Variants in HGFAC observed in about 807,000 individuals in gnomAD.
HGFAC encodes the protein HGF activator.
Under a neutral mutation model 70.6 loss-of-function variants are expected in HGFAC, and 76 were observed. That is an observed-to-expected ratio of 1.08 (90% CI 0.89 to 1.30). The LOEUF (loss-of-function observed/expected upper bound fraction) is 1.30. HGFAC is among the 50% of genes most tolerant of loss of function. The probability of loss-of-function intolerance (pLI) is 0.00; values close to 1 mark genes in which losing one functional copy is unlikely to be tolerated. For synonymous variants in HGFAC, 464 were observed against 405.3 expected, an observed-to-expected ratio of 1.14 and a Z score of -1.74; for missense variants, 1,044 against 933.7, an observed-to-expected ratio of 1.12 and a Z score of -1.54.
In HGFAC at chr4:3,449,284, C is replaced by G; in HGVS notation, c.1833C>G (p.Tyr611Ter). 6.2e-7 allele frequency: 1 copy of G among 1,612,510 alleles called. No individual in the cohort carries two copies. The highest frequency in any genetic ancestry group is 1.1e-5 in the South Asian group (1 of 91,066). ...PLACEKNGVA[Y>*]LYGIISWGDG... The stretch of plus-strand genomic sequence containing the variant: ...CCTGCGAGAAGAACGGCGTGGCTTA[C>G]CTCTACGGCATCATCAGCTGGGGTG... Residue 611 changes from tyrosine (Y) to a stop codon, truncating the protein, a stop_gained, in exon 14 of 14, where the codon TAC becomes TAG. Transcript: ENST00000382774. LOFTEE classifies it low-confidence loss of function (END_TRUNC).
chr4:3,446,199 C>G lies in HGFAC; in HGVS notation c.1260C>G (p.Pro420=). 1 of 1,611,312 alleles carries G rather than the reference C, an allele frequency of 6.2e-7. No homozygotes were observed. Among genetic ancestry groups the G allele is most frequent in the East Asian group, 2.2e-5 (1 of 44,842 alleles). ...CCTCCTCGCTGCCCGGCTCGCACCC[C>G]TGGCTGGCCGCCATCTACATCGGGG... ...GGSSSLPGSH[P]WLAAIYIGDS... Residue 420 remains proline (P), a synonymous_variant, in exon 10 of 14, where the codon CCC becomes CCG. Transcript: ENST00000382774.
At chr4:3,445,799 C>A (rs1439471449) in intron 9 of HGFAC, 1 of 1,377,116 alleles carries the variant, frequency 7.3e-7, no homozygotes, top group East Asian at 2.5e-5. Flanking sequence ...GCTGAGGGGG[C>A]CACAAAGGCC....
Position 3,442,889 on chromosome 4 carries a change from C to T in HGFAC, c.275C>T (p.Ser92Leu), listed in dbSNP as rs199767749. The change falls in exon 2 of 14, where the codon TCG becomes TTG. Residue 92 changes from serine (S) to leucine (L), a missense_variant. By Grantham distance (145) the Ser-to-Leu change is moderately radical. Coordinates refer to ENST00000382774, the MANE Select transcript of HGFAC (RefSeq NM_001528.4). Reference sequence around the variant, plus strand: ...CCGCCCCCGCCCAGGGCAGTTCCCTCGAGCAGTAGCCCCCAGGCCCAAGGT... The same window carrying T: ...CCGCCCCCGCCCAGGGCAGTTCCCTTGAGCAGTAGCCCCCAGGCCCAAGGT... ...GLPPPPRAVP[S>L]SSSPQAQALT... The T allele has an allele frequency of 1.8e-5, 28 of 1,564,126 alleles. No individual in the cohort carries two copies. Among genetic ancestry groups the T allele is most frequent in the East Asian group, 1.4e-4 (6 of 43,968 alleles).
rs767890763 is a variant in HGFAC at position 3,444,212 on chromosome 4, C to G, written c.598+51C>G. On this transcript the variant is annotated intron_variant, in intron 5 of 13. Transcript: ENST00000382774. ...GGGGTCCAGGGGCCGGAGCAAGTCC[C>G]CGGAGGATGGGAGAACAGGTGGCTC... 2.6e-6 allele frequency: 4 copies of G among 1,565,596 alleles called. No individual in the cohort carries two copies. In the African/African-American group the frequency reaches 5.4e-5, roughly 21 times the overall value.
rs779516845 is a variant in HGFAC at position 3,449,360 on chromosome 4, T to C, written c.1909T>C (p.Tyr637His). The C allele has an allele frequency of 1.2e-6, 2 of 1,607,708 alleles. No individual in the cohort carries two copies. Among genetic ancestry groups the C allele is most frequent in the African/African-American group, 1.3e-5 (1 of 74,702 alleles). Reference protein sequence around the residue: ...KPGVYTRVANYVDWINDRIRP... With the variant: ...KPGVYTRVANHVDWINDRIRP... The stretch of plus-strand genomic sequence containing the variant: ...GGGGGTCTACACCCGCGTGGCCAAC[T>C]ATGTGGACTGGATCAACGACCGGAT... Residue 637 changes from tyrosine (Y) to histidine (H), a missense_variant, in exon 14 of 14, where the codon TAT (tyrosine) becomes CAT (histidine). Tyr to His is a moderately conservative substitution (Grantham distance 83). Coordinates refer to ENST00000382774, the MANE Select transcript of HGFAC (RefSeq NM_001528.4).
rs1447820567 is a variant in HGFAC at position 3,444,159 on chromosome 4, C to A, written c.596C>A (p.Thr199Lys). The change falls in exon 5 of 14, where the codon ACA (threonine) becomes AAA (lysine). Residue 199 changes from threonine to lysine, a missense_variant and splice_region_variant. Thr to Lys is a moderately conservative substitution (Grantham distance 78). Transcript: ENST00000382774. ...GCCTTCACCGGCAAGGACTGCGGCA[C>A]AGGTGAGCTGGGCCTCGGAGGTCCG... Reference protein sequence around the residue: ...PRAFTGKDCGTEKCFDETRYE... With the variant: ...PRAFTGKDCGKEKCFDETRYE... 1 of 1,606,542 alleles carries A rather than the reference C, an allele frequency of 6.2e-7. No homozygotes were observed. The highest frequency in any genetic ancestry group is 8.5e-7 in the Non-Finnish European group (1 of 1,177,168).
Position 3,445,343 on chromosome 4 carries a change from G to C in HGFAC, c.1095G>C (p.Glu365Asp). The C allele has an allele frequency of 6.4e-7, 1 of 1,574,134 alleles. No homozygotes were observed. Among genetic ancestry groups the C allele is most frequent in the Non-Finnish European group, 8.6e-7 (1 of 1,160,674 alleles). ...TCTCCTGGGAGTACTGCCGCCTGGAGGCCTGCGGTGCGCGGCTGGCGGGGG... is the reference window on the plus strand; with the variant it reads ...TCTCCTGGGAGTACTGCCGCCTGGACGCCTGCGGTGCGCGGCTGGCGGGGG... ...SALSWEYCRL[E>D]ACESLTRVQL... The change falls in exon 9 of 14, where the codon GAG (glutamate) becomes GAC (aspartate). Residue 365 changes from glutamate to aspartate, a missense_variant. Glu to Asp is a conservative substitution (Grantham distance 45, BLOSUM62 2). Transcript: ENST00000382774.
chr4:3,445,456 A>C, intron 9 of HGFAC, 106 bp downstream of exon 9: 1 of 813,640 alleles, frequency 1.2e-6, no homozygotes. Flanking sequence ...CATCTCTGAC[A>C]AATGGGGAAA....
rs760014753 is a variant in HGFAC at position 3,442,731 on chromosome 4, G to GAACC, written c.118_121dup (p.Arg41GlnfsTer9). On this transcript the variant is annotated frameshift_variant and splice_region_variant. Coordinates refer to ENST00000382774, the MANE Select transcript of HGFAC (RefSeq NM_001528.4). LOFTEE classifies it high-confidence loss of function. ...ACTGACACCCTTTCTGCTCCTCCTAGAACCGTACGGAGTCCCCAGAACCTA... is the reference window on the plus strand; with the variant it reads ...ACTGACACCCTTTCTGCTCCTCCTAGAACCAACCGTACGGAGTCCCCAGAACCTA... 1 of 1,493,716 alleles carries GAACC rather than the reference G, an allele frequency of 6.7e-7. No individual in the cohort carries two copies. Among genetic ancestry groups the GAACC allele is most frequent in the Non-Finnish European group, 8.9e-7 (1 of 1,123,430 alleles). The allele number at this position is 1,493,716 out of a possible 1,614,324, so 92.5% of individuals were successfully genotyped here.
upstream of HGFAC, among the ~76,000 whole-genome samples, chr4:3,441,337 T>G (rs1159117853): frequency 2.6e-5 from 4 of 152,052 alleles, no homozygotes. The surrounding 1 kb of genome is among the most constrained non-coding windows in gnomAD (Gnocchi z 6.0). Context: ...CAGGGGCTGC[T>G]GGGGGGCCCT....
rs1478425652 is a variant in HGFAC at position 3,444,664 on chromosome 4, C to G, written c.772C>G (p.Leu258Val). The G allele has an allele frequency of 6.3e-7, 1 of 1,598,300 alleles. No homozygotes were observed. The highest frequency in any genetic ancestry group is 8.5e-7 in the Non-Finnish European group (1 of 1,178,580). Residue 258 changes from leucine (L) to valine (V), a missense_variant, in exon 7 of 14, where the codon CTG (leucine) becomes GTG (valine). Coordinates refer to ENST00000382774, the MANE Select transcript of HGFAC (RefSeq NM_001528.4). ...SPCLNGGTCH[L>V]IVATGTTVCA... Reference sequence around the variant, plus strand: ...TTGCCTGAACGGGGGCACCTGCCACCTGATCGTGGCCACCGGGACCACCGT... The same window carrying G: ...TTGCCTGAACGGGGGCACCTGCCACGTGATCGTGGCCACCGGGACCACCGT...
rs1450989542 is a variant in HGFAC at position 3,448,172 on chromosome 4, C to A, written c.1681C>A (p.Leu561Met). Reference protein sequence around the residue: ...SSSLREALVPLVADHKCSSPE... With the variant: ...SSSLREALVPMVADHKCSSPE... ...CTCCCTGCGGGAGGCCCTGGTCCCC[C>A]TGGTCGCCGACCACAAGTGCAGCAG... Residue 561 changes from leucine to methionine, a missense_variant, in exon 13 of 14, where the codon CTG becomes ATG. Leu to Met is a conservative substitution (Grantham distance 15). Coordinates refer to ENST00000382774, the MANE Select transcript of HGFAC (RefSeq NM_001528.4). 1 of 1,601,220 alleles carries A rather than the reference C, an allele frequency of 6.2e-7. No homozygotes were observed. Among genetic ancestry groups the A allele is most frequent in the Non-Finnish European group, 8.5e-7 (1 of 1,175,326 alleles).
Position 3,444,431 on chromosome 4 carries a change from C to A in HGFAC, c.719C>A (p.Thr240Asn), listed in dbSNP as rs772324823. 2 of 1,599,050 alleles carry A rather than the reference C, an allele frequency of 1.3e-6. No homozygotes were observed. Among genetic ancestry groups the A allele is most frequent in the African/African-American group, 2.7e-5 (2 of 74,928 alleles). The change falls in exon 6 of 14, where the codon ACC becomes AAC. Residue 240 changes from threonine (T) to asparagine (N), a missense_variant. Physicochemically the swap from Thr to Asn is moderately conservative, Grantham distance 65. Coordinates refer to ENST00000382774, the MANE Select transcript of HGFAC (RefSeq NM_001528.4). ...GGGGGCCGGACCTGGTGCGAAGGCACCCGACATACAGGTGCGCCACGGGGT... is the reference window on the plus strand; with the variant it reads ...GGGGGCCGGACCTGGTGCGAAGGCAACCGACATACAGGTGCGCCACGGGGT... ...CFGGRTWCEG[T>N]RHTACLSSPC...
chr4:3,449,298 T>G lies in HGFAC; in HGVS notation c.1847T>G (p.Ile616Ser), dbSNP rs1725648908. The change falls in exon 14 of 14, where the codon ATC becomes AGC. Residue 616 changes from isoleucine to serine, a missense_variant. Transcript: ENST00000382774. ...KNGVAYLYGIISWGDGCGRLH... is the reference protein window; with the variant it reads ...KNGVAYLYGISSWGDGCGRLH... ...GGCGTGGCTTACCTCTACGGCATCA[T>G]CAGCTGGGGTGACGGCTGCGGGCGG... The G allele has an allele frequency of 6.2e-7, 1 of 1,612,244 alleles. No homozygotes were observed.
intron 9 of HGFAC, chr4:3,445,766 G>A: frequency 9.3e-7 from 1 of 1,074,024 alleles, no homozygotes; most frequent in Non-Finnish European, 1.4e-6. Context: ...ACTGTGCTGG[G>A]GCTGGCTGTG....
At chr4:3,449,143 C>T (rs1577128733) in intron 13 of HGFAC, 94 bp from the exon 14 acceptor site, 7 of 1,163,310 alleles carry the variant, frequency 6.0e-6, no homozygotes, top group South Asian at 5.7e-5. Context: ...TCAGAAATGC[C>T]TTTGTCCTCT....
intron 8 of HGFAC, 33 bp downstream of exon 8, chr4:3,445,026 C>T (rs758995866): frequency 3.2e-5 from 49 of 1,515,590 alleles, no homozygotes; most frequent in Admixed American, 2.3e-4. Context: ...CCGCCGCATG[C>T]GGGGCAGGCA....
intron 4 of HGFAC, 59 bp downstream of exon 4, chr4:3,443,479 G>T (rs572320170): frequency 2.2e-4 from 242 of 1,105,720 alleles, no homozygotes; most frequent in Non-Finnish European, 2.7e-4. Flanking sequence ...GGCCAGAAGG[G>T]CCAAGGGGAG....
At chr4:3,444,252 G>C (rs1725412423) in intron 5 of HGFAC, 59 bp from the exon 6 acceptor site, 7 of 1,562,936 alleles carry the variant, frequency 4.5e-6, no homozygotes, top group Non-Finnish European at 8.7e-7. Flanking sequence ...GTGCAGGGCA[G>C]GGGCCCTGCA....
Sources: gnomAD v4.1 joint callset for allele counts (sites outside exome capture counted in the v4.1 genomes callset) on GRCh38, gnomAD v4.1.1 for gene constraint, Gnocchi (gnomAD v3.1) non-coding constraint, MANE v1.5 for transcripts, NCBI Gene and HGNC (gene_info 2026-07-23, HGNC 2026-07-21) for gene names.